Variants in CASQ2 observed in about 807,000 individuals in gnomAD.
CASQ2 encodes calsequestrin 2.
CASQ2 carries 49 observed loss-of-function variants against 46.5 expected under a neutral mutation model. The observed-to-expected ratio is 1.05, with a 90% CI of 0.84 to 1.34. CASQ2 has a LOEUF of 1.34. Ranked by LOEUF, CASQ2 falls within the 40% of genes most tolerant of loss-of-function variation. The pLI is 0.00. For synonymous variants in CASQ2, 174 were observed against 168.5 expected (o/e 1.03, Z -0.25); for missense variants, 486 against 481.3 (o/e 1.01, Z -0.09).
Position 115,740,940 on chromosome 1 carries a change from G to A in CASQ2, c.320-112C>T, listed in dbSNP as rs762507025. On this transcript the variant is annotated intron_variant, in intron 2 of 10. Transcript: ENST00000261448. ...GGGTGACAGTGGGGTCAGGATTAGT[G>A]GAACTAGCATTAACCAAAGAAGCAG... is the stretch of plus-strand genomic sequence containing the variant. The A allele has an allele frequency of 5.9e-5, 44 of 742,566 alleles. 1 individual carries two copies. Among genetic ancestry groups the A allele is most frequent in the Non-Finnish European group, 2.4e-5 (10 of 415,700 alleles). 46.0% of individuals were successfully genotyped at this position (742,566 alleles called of 1,614,324 possible).
intron 3 of CASQ2, among the ~76,000 whole-genome samples, chr1:115,739,063 T>TAAAAAAAAAAAAAAA (rs36062822): frequency 7.1e-6 from 1 of 140,366 alleles, no homozygotes. Context: ...TTTCTTTTTT[T>TAAAAAAAAAAAAAAA]AAAAAAAAAA....
Position 115,703,002 on chromosome 1 carries a change from C to A in CASQ2, c.940-7G>T. ...TCTCCCAGTAGGCAACGAGCTGCAG[C>A]AACAAAAAAATAAGATTAGACAGCA... is the stretch of plus-strand genomic sequence containing the variant. On this transcript the variant is annotated splice_polypyrimidine_tract_variant and splice_region_variant and intron_variant, in intron 9 of 10. Coordinates refer to ENST00000261448, the MANE Select transcript of CASQ2 (RefSeq NM_001232.4). 2 of 1,610,324 alleles carry A rather than the reference C, an allele frequency of 1.2e-6. No individual in the cohort carries two copies. Among genetic ancestry groups the A allele is most frequent in the Admixed American group, 3.4e-5 (2 of 59,532 alleles).
chr1:115,745,286 G>A (rs1011178076), intron 1 of CASQ2, among the ~76,000 whole-genome samples: 1 of 152,218 alleles, frequency 6.6e-6, no homozygotes, highest in African/African-American at 2.4e-5. Flanking sequence ...GCTGCCAAAT[G>A]TACCTGGGGC....
intron 2 of CASQ2, among the ~76,000 whole-genome samples, chr1:115,743,352 T>C (rs9428210): frequency 0.71 from 107,967 of 151,780 alleles, 42,106 homozygotes; most frequent in Non-Finnish European, 0.88. Context: ...CAAGCCATTC[T>C]CTCATCCCAG....
chr1:115,752,161 C>G (rs1648605454), intron 1 of CASQ2, among the ~76,000 whole-genome samples: 1 of 152,222 alleles, frequency 6.6e-6, no homozygotes, highest in Admixed American at 6.5e-5. Flanking sequence ...TCCTTGAAGT[C>G]TGCATTTAAA....
At chr1:115,749,470 A>G (rs10737734) in intron 1 of CASQ2, among the ~76,000 whole-genome samples, 41,635 of 152,112 alleles carry the variant, frequency 0.27, 6,108 homozygotes, top group East Asian at 0.43. Flanking sequence ...TAGATGGAGA[A>G]ACAGAGCAGG....
At chr1:115,728,085 C>T (rs1647655480) in intron 5 of CASQ2, among the ~76,000 whole-genome samples, 1 of 152,186 alleles carries the variant, frequency 6.6e-6, no homozygotes, top group Non-Finnish European at 1.5e-5. Flanking sequence ...CAGTGGTTCC[C>T]TTTAAGCTGA....
chr1:115,731,540 T>G (rs1389741499), intron 5 of CASQ2, among the ~76,000 whole-genome samples: 3 of 152,222 alleles, frequency 2.0e-5, no homozygotes, highest in African/African-American at 7.2e-5. Context: ...ATTGCTTTCT[T>G]ATGAACAATG....
chr1:115,729,302 C>T (rs928482129), intron 5 of CASQ2, among the ~76,000 whole-genome samples: 3 of 152,114 alleles, frequency 2.0e-5, no homozygotes, highest in Non-Finnish European at 2.9e-5. Context: ...CACCTCCCCC[C>T]TCGGCCTCCC....
intron 6 of CASQ2, 62 bp from the exon 7 acceptor site, chr1:115,725,615 GAC>G (rs942991368): frequency 7.1e-6 from 11 of 1,555,854 alleles, no homozygotes; most frequent in Non-Finnish European, 8.7e-6. Flanking sequence ...CACTGTGGCA[GAC>G]ACAGCAGCCA....
intron 1 of CASQ2, among the ~76,000 whole-genome samples, chr1:115,759,174 A>C (rs1254042961): frequency 6.6e-6 from 1 of 152,184 alleles, no homozygotes; most frequent in Non-Finnish European, 1.5e-5. Context: ...GCATCTTTGT[A>C]AGTGCTATGA....
intron 7 of CASQ2, among the ~76,000 whole-genome samples, chr1:115,722,161 T>G (rs767514478): frequency 4.6e-5 from 7 of 152,134 alleles, no homozygotes; most frequent in Non-Finnish European, 7.4e-5. Flanking sequence ...GGTTCCTGGG[T>G]AAGACATGAG....
At chr1:115,711,285 G>T (rs902259864) in intron 8 of CASQ2, among the ~76,000 whole-genome samples, 1 of 152,172 alleles carries the variant, frequency 6.6e-6, no homozygotes, top group South Asian at 2.1e-4. Context: ...TGCTTGTGTG[G>T]CAGGTGGACA....
At chr1:115,742,840 G>C (rs1000548325) in intron 2 of CASQ2, among the ~76,000 whole-genome samples, 1 of 152,120 alleles carries the variant, frequency 6.6e-6, no homozygotes, top group African/African-American at 2.4e-5. Context: ...CCAGGCTGGA[G>C]TGCAGTGGTG....
intron 2 of CASQ2, among the ~76,000 whole-genome samples, chr1:115,742,978 C>G (rs550821620): frequency 1.9e-4 from 29 of 151,762 alleles, no homozygotes; most frequent in African/African-American, 6.8e-4. Context: ...TTAGTAGAGA[C>G]GGGGTTTCAC....
intron 2 of CASQ2, among the ~76,000 whole-genome samples, chr1:115,743,863 G>T (rs1648284291): frequency 6.6e-6 from 1 of 151,968 alleles, no homozygotes. Flanking sequence ...CGGGCCGGGA[G>T]CTATGGCTCA....
At chr1:115,756,529 A>G (rs1331127402) in intron 1 of CASQ2, among the ~76,000 whole-genome samples, 2 of 152,202 alleles carry the variant, frequency 1.3e-5, no homozygotes, top group Non-Finnish European at 2.9e-5. Flanking sequence ...GTAAAGAAAA[A>G]TCTTGTGATT....
chr1:115,715,297 C>G (rs1043986816), intron 8 of CASQ2, among the ~76,000 whole-genome samples: 1 of 152,188 alleles, frequency 6.6e-6, no homozygotes, highest in Non-Finnish European at 1.5e-5. Flanking sequence ...AGGGCTAGAT[C>G]ATGTTGAAAA....
At chr1:115,711,380 G>A (rs1654537754) in intron 8 of CASQ2, among the ~76,000 whole-genome samples, 1 of 152,174 alleles carries the variant, frequency 6.6e-6, no homozygotes, top group South Asian at 2.1e-4. Flanking sequence ...ACCTTGCACA[G>A]GTTGCTTAAC....
Sources: gnomAD v4.1 joint callset for allele counts (sites outside exome capture counted in the v4.1 genomes callset) on GRCh38, gnomAD v4.1.1 for gene constraint, MANE v1.5 for transcripts, NCBI Gene and HGNC (gene_info 2026-07-23, HGNC 2026-07-21) for gene names.